WNT5A: variants seen among roughly 807,000 people sequenced by gnomAD.
WNT5A encodes Wnt family member 5A.
WNT5A carries 9 observed loss-of-function variants against 42.1 expected under a neutral mutation model. The ratio of observed to expected loss-of-function variants is 0.21; its 90% CI spans 0.13 to 0.37. The LOEUF (loss-of-function observed/expected upper bound fraction) is 0.37, where lower values mean the gene tolerates loss of function less well. Ranked by LOEUF, WNT5A falls within the 10% of genes least tolerant of loss-of-function variation. The pLI is 1.00. For synonymous variants in WNT5A, 210 were observed against 210.0 expected (o/e 1.00, Z 0.00); for missense variants, 426 against 534.0 (o/e 0.80, Z 1.99).
intron 4 of WNT5A, among the ~76,000 whole-genome samples, chr3:55,471,179 C>G (rs1034839115): frequency 1.3e-5 from 2 of 152,180 alleles, no homozygotes; most frequent in African/African-American, 4.8e-5. Flanking sequence ...TATAAGTGTC[C>G]TTACACTCAT....
chr3:55,481,400 CGCTGCCGCCAGAG>C, intron 1 of WNT5A: 1 of 984,984 alleles, frequency 1.0e-6, no homozygotes, highest in Non-Finnish European at 1.2e-6. Flanking sequence ...GAGTGGAGCG[CGCTGCCGCCAGAG>C]GCTGCCAAGG....
upstream of WNT5A, among the ~76,000 whole-genome samples, chr3:55,495,194 G>A (rs867816234): frequency 2.0e-5 from 3 of 152,146 alleles, no homozygotes; most frequent in Non-Finnish European, 2.9e-5. Flanking sequence ...TTTGTGATGA[G>A]CACATCGAAA....
At chr3:55,473,061 T>C (rs1054670727) in intron 4 of WNT5A, among the ~76,000 whole-genome samples, 1 of 152,188 alleles carries the variant, frequency 6.6e-6, no homozygotes, top group Non-Finnish European at 1.5e-5. Context: ...CAACACTGCA[T>C]TTTAACCCAG....
intron 1 of WNT5A, among the ~76,000 whole-genome samples, chr3:55,482,493 C>A (rs2051487057): frequency 6.6e-6 from 1 of 152,208 alleles, no homozygotes; most frequent in Non-Finnish European, 1.5e-5. Flanking sequence ...GGAACCTGTG[C>A]CGTAAAAGGG....
intron 4 of WNT5A, among the ~76,000 whole-genome samples, chr3:55,471,740 C>T (rs1204394738): frequency 2.0e-5 from 3 of 152,172 alleles, no homozygotes; most frequent in Non-Finnish European, 4.4e-5. Context: ...GTGGTGGTTG[C>T]CTATTTATAG....
At position 55,467,347 on chromosome 3, in the gene WNT5A, A is replaced by T. The variant is rs1417210063; in HGVS notation, c.*2745T>A. 6.7e-6 allele frequency: 1 copy of T among 148,198 alleles called. No individual in the cohort carries two copies. The highest frequency in any genetic ancestry group is 2.0e-4 in the East Asian group (1 of 4,946). The allele number at this position is 148,198 out of a possible 1,614,324, so 9.2% of individuals were successfully genotyped here. A position where few individuals can be genotyped will look rare whatever the true frequency, so the allele number is the denominator to read the frequency against. ...GTGAGCAATCCTATAACCAGCTTTA[A>T]GCCATCTGCTTGATTTCTTTTTTTT... On this transcript the variant is annotated 3_prime_UTR_variant, in exon 5 of 5. Coordinates refer to ENST00000264634, the MANE Select transcript of WNT5A (RefSeq NM_003392.7).
In WNT5A at chr3:55,471,593, G is replaced by A. The variant is rs376955869; in HGVS notation, c.685-1043C>T. The stretch of plus-strand genomic sequence containing the variant: ...TCTGGTCTTTCTTTAGGGTAACAAC[G>A]GACACACTCAGGAAATCTGGTCTTT... On this transcript the variant is annotated intron_variant, in intron 4 of 4. Coordinates refer to ENST00000264634, the MANE Select transcript of WNT5A (RefSeq NM_003392.7). Among the ~76,000 whole-genome samples the A allele has an allele frequency of 9.2e-5, 14 of 152,366 alleles. No individual in the cohort carries two copies. The South Asian group carries it at 1.2e-3, about 14-fold the overall frequency.
chr3:55,476,012 T>C (rs1464367919), intron 3 of WNT5A, among the ~76,000 whole-genome samples: 2 of 152,322 alleles, frequency 1.3e-5, no homozygotes, highest in East Asian at 3.9e-4. Context: ...GGGCCTCTTC[T>C]GGTGCTGAAA....
At chr3:55,504,594 A>C in the WNT5A span, among the ~76,000 whole-genome samples, 5 of 151,890 alleles carry the variant, frequency 3.3e-5, no homozygotes, top group African/African-American at 1.2e-4. Context: ...CCTCCCGAGT[A>C]GCTGAGATTA....
At position 55,468,039 on chromosome 3, in the gene WNT5A, G is replaced by A. The variant is rs772032186; in HGVS notation, c.*2053C>T. 69 of 151,962 alleles carry A rather than the reference G, an allele frequency of 4.5e-4. No individual in the cohort carries two copies. The highest frequency in any genetic ancestry group is 6.8e-4 in the Non-Finnish European group (46 of 68,016). The allele number at this position is 151,962 out of a possible 1,614,324, so 9.4% of individuals were successfully genotyped here. On this transcript the variant is annotated 3_prime_UTR_variant, in exon 5 of 5. Coordinates refer to ENST00000264634, the MANE Select transcript of WNT5A (RefSeq NM_003392.7). ...TGATATGAAAGCCAACCTGCCTAAG[G>A]GGGGTATGAAAGATGTGTATCTTTC...
At chr3:55,478,520 T>C (rs1452788934) in intron 3 of WNT5A, among the ~76,000 whole-genome samples, 1 of 152,204 alleles carries the variant, frequency 6.6e-6, no homozygotes, top group East Asian at 1.9e-4. Context: ...ATCTGTCAAA[T>C]AGTATCCTAT....
chr3:55,485,330 A>T (rs753241104), intron 1 of WNT5A, among the ~76,000 whole-genome samples: 1 of 151,772 alleles, frequency 6.6e-6, no homozygotes, highest in Non-Finnish European at 1.5e-5. Flanking sequence ...TTCTGCGCGC[A>T]TAGTGCTAAC....
At chr3:55,480,712 A>G in intron 2 of WNT5A, 73 bp downstream of exon 2, 1 of 1,431,288 alleles carries the variant, frequency 7.0e-7, no homozygotes, top group African/African-American at 1.4e-5. Flanking sequence ...AGCATTAAAT[A>G]TTGCCGCATC....
chr3:55,484,783 A>G (rs2051543850), intron 1 of WNT5A, among the ~76,000 whole-genome samples: 1 of 152,062 alleles, frequency 6.6e-6, no homozygotes, highest in African/African-American at 2.4e-5. Context: ...CAGAGGATCA[A>G]CTTTGTCCAG....
Position 55,478,304 on chromosome 3 carries a change from G to GT in WNT5A, c.391+1009dup, listed in dbSNP as rs567681441. Among the ~76,000 whole-genome samples, 240 of 148,414 alleles carry GT rather than the reference G, an allele frequency of 1.6e-3. 2 individuals carry two copies. Among genetic ancestry groups the GT allele is most frequent in the South Asian group, 7.6e-3 (35 of 4,624 alleles). The stretch of plus-strand genomic sequence containing the variant: ...GTTCTCAATGAATGTAATTTTCGGG[G>GT]TTTTTTTTTTAATAAAAAATGCATT... On this transcript the variant is annotated intron_variant, in intron 3 of 4. Transcript: ENST00000264634.
At chr3:55,470,786 T>C (rs759045487) in intron 4 of WNT5A, among the ~76,000 whole-genome samples, 1 of 152,224 alleles carries the variant, frequency 6.6e-6, no homozygotes, top group Non-Finnish European at 1.5e-5. Flanking sequence ...ACTGTGGTTT[T>C]TTAATAGGAA....
At chr3:55,485,887 G>A (rs577416548) in intron 1 of WNT5A, among the ~76,000 whole-genome samples, 1 of 152,120 alleles carries the variant, frequency 6.6e-6, no homozygotes, top group Non-Finnish European at 1.5e-5. Flanking sequence ...GGGAAGAGGG[G>A]TTATTTGCTT....
the WNT5A span, chr3:55,501,662 C>T: frequency 2.0e-5 from 3 of 152,302 alleles, no homozygotes; most frequent in East Asian, 5.8e-4. Context: ...GTACTTTTAA[C>T]AGTAGGTAAA....
intron 1 of WNT5A, among the ~76,000 whole-genome samples, chr3:55,486,346 C>T (rs541510978): frequency 1.1e-3 from 173 of 152,292 alleles, no homozygotes; most frequent in Non-Finnish European, 2.1e-3. Context: ...ACCCCGCTCC[C>T]CGCGCCGGGG....
Sources: allele counts gnomAD v4.1 joint callset (sites outside exome capture counted in the v4.1 genomes callset), GRCh38; gene constraint gnomAD v4.1.1; transcripts MANE v1.5; gene names NCBI Gene and HGNC (gene_info 2026-07-23, HGNC 2026-07-21).